ERGIC2: variants seen among roughly 807,000 people sequenced by gnomAD.
The protein encoded by ERGIC2 is ERGIC and golgi 2, also known as endoplasmic reticulum-Golgi intermediate compartment protein 2.
In ERGIC2, 31 loss-of-function variants were observed where a neutral mutation model predicts 52.5. The ratio of observed to expected loss-of-function variants is 0.59; its 90% CI spans 0.44 to 0.80. ERGIC2 has a LOEUF of 0.80. Ranked by LOEUF, ERGIC2 falls within the 30% of genes least tolerant of loss-of-function variation. The probability of loss-of-function intolerance (pLI) is 0.00; values close to 1 mark genes in which losing one functional copy is unlikely to be tolerated. For missense variants in ERGIC2, 395 were observed against 455.2 expected, an observed-to-expected ratio of 0.87 and a Z score of 1.20; for synonymous variants, 129 against 140.6, an observed-to-expected ratio of 0.92 and a Z score of 0.58.
chr12:29,366,775 A>G, intron 5 of ERGIC2, 102 bp downstream of exon 5: 1 of 594,504 alleles, frequency 1.7e-6, no homozygotes, highest in East Asian at 3.1e-5. Flanking sequence ...TAAAAGAATT[A>G]TACTAAAAAC....
chr12:29,365,330 T>C (rs892521751), intron 5 of ERGIC2, among the ~76,000 whole-genome samples: 1 of 152,030 alleles, frequency 6.6e-6, no homozygotes, highest in African/African-American at 2.4e-5. Context: ...CTGGAGGCAA[T>C]AATCCTAAGC....
In ERGIC2 at chr12:29,369,744, A is replaced by G. The variant is rs147932313; in HGVS notation, c.215+370T>C. 2.2e-3 allele frequency among the ~76,000 whole-genome samples: 340 copies of G among 152,176 alleles called. 3 individuals are homozygous for G. The highest frequency in any genetic ancestry group is 6.9e-3 in the African/African-American group (285 of 41,584). On this transcript the variant is annotated intron_variant, in intron 3 of 13. Transcript: ENST00000360150. ...GCTTAGGTATAATTTATAGACATCA[A>G]GTCATAAGGGTATACAATGTATCCT... is the stretch of plus-strand genomic sequence containing the variant.
chr12:29,337,548 C>T lies in ERGIC2; in HGVS notation c.*3608G>A, dbSNP rs965907859. On this transcript the variant is annotated 3_prime_UTR_variant, in exon 14 of 14. Transcript: ENST00000360150. ...GCATCATCACAATATGGGGGGGATA[C>T]ATGGATCTTGATCCGGGCATTTTAC... The T allele has an allele frequency of 3.3e-5, 5 of 152,028 alleles. No individual in the cohort carries two copies. The highest frequency in any genetic ancestry group is 1.2e-4 in the African/African-American group (5 of 41,400). The allele number at this position is 152,028 out of a possible 1,614,324, so 9.4% of individuals were successfully genotyped here. A position where few individuals can be genotyped will look rare whatever the true frequency, so the allele number is the denominator to read the frequency against.
At chr12:29,355,098 C>T (rs1940184334) in intron 8 of ERGIC2, among the ~76,000 whole-genome samples, 1 of 152,096 alleles carries the variant, frequency 6.6e-6, no homozygotes, top group African/African-American at 2.4e-5. Context: ...CTGCTGTATG[C>T]CCTTCCCTCC....
intron 6 of ERGIC2, among the ~76,000 whole-genome samples, chr12:29,360,763 T>C (rs1460453379): frequency 1.3e-5 from 2 of 151,540 alleles, no homozygotes; most frequent in African/African-American, 2.4e-5. Flanking sequence ...TGCTAGTCAG[T>C]GGCATTAGTT....
At chr12:29,343,040 C>T in intron 12 of ERGIC2, 80 bp downstream of exon 12, 1 of 1,223,354 alleles carries the variant, frequency 8.2e-7, no homozygotes. Context: ...AATCTGTATA[C>T]TTCTTGCCCC....
chr12:29,354,731 A>T (rs1465060485), intron 8 of ERGIC2, among the ~76,000 whole-genome samples: 1 of 152,182 alleles, frequency 6.6e-6, no homozygotes, highest in East Asian at 1.9e-4. Flanking sequence ...GGAAAGTGAA[A>T]TTGTGAAAAG....
intron 2 of ERGIC2, among the ~76,000 whole-genome samples, chr12:29,370,921 T>C (rs991741841): frequency 6.6e-6 from 1 of 152,102 alleles, no homozygotes; most frequent in African/African-American, 2.4e-5. Context: ...CTATTTTCAT[T>C]AACAAAACTT....
chr12:29,380,169 T>TA (rs1940568189), intron 1 of ERGIC2, among the ~76,000 whole-genome samples: 2 of 152,100 alleles, frequency 1.3e-5, no homozygotes, highest in Admixed American at 6.5e-5. Context: ...CTGGCATAAT[T>TA]ACAACAACTT....
intron 6 of ERGIC2, among the ~76,000 whole-genome samples, chr12:29,360,992 A>G (rs1414716372): frequency 6.6e-6 from 1 of 152,204 alleles, no homozygotes; most frequent in Non-Finnish European, 1.5e-5. Flanking sequence ...CATGCCTGTA[A>G]TCCCAGCCCT....
chr12:29,377,891 T>C (rs1412204354), intron 1 of ERGIC2, among the ~76,000 whole-genome samples: 1 of 152,244 alleles, frequency 6.6e-6, no homozygotes, highest in African/African-American at 2.4e-5. Flanking sequence ...CAAAAGTTAT[T>C]TCCTGCTACC....
chr12:29,376,750 G>T lies in ERGIC2; in HGVS notation c.-38+4365C>A, dbSNP rs1300107561. 2.0e-5 allele frequency among the ~76,000 whole-genome samples: 3 copies of T among 152,032 alleles called. No homozygotes were observed. In the East Asian group the frequency reaches 5.8e-4, roughly 29 times the overall value. Reference sequence around the variant, plus strand: ...CTCTATTTGCCTCTCTACTCAGTGTGGTAAGCCATTTTCAAAAATGTGTTT... The same window carrying T: ...CTCTATTTGCCTCTCTACTCAGTGTTGTAAGCCATTTTCAAAAATGTGTTT... On this transcript the variant is annotated intron_variant, in intron 1 of 13. Transcript: ENST00000360150.
At chr12:29,360,457 A>C (rs1208028022) in intron 6 of ERGIC2, among the ~76,000 whole-genome samples, 1 of 148,976 alleles carries the variant, frequency 6.7e-6, no homozygotes, top group Admixed American at 6.7e-5. Context: ...ATTTCTGTAT[A>C]GAAATAATTA....
intron 3 of ERGIC2, 70 bp from the exon 4 acceptor site, chr12:29,368,357 T>G: frequency 1.2e-6 from 1 of 804,408 alleles, no homozygotes; most frequent in Non-Finnish European, 2.1e-6. Context: ...ATAAATCAAC[T>G]GACCTATTAA....
intron 12 of ERGIC2, among the ~76,000 whole-genome samples, chr12:29,342,678 CAT>C (rs1374259382): frequency 1.3e-5 from 2 of 152,154 alleles, no homozygotes; most frequent in East Asian, 1.9e-4. Context: ...AGTACTATAA[CAT>C]ATGATTTTAC....
intron 1 of ERGIC2, among the ~76,000 whole-genome samples, chr12:29,380,057 TAAA>T (rs60844553): frequency 0.35 from 52,706 of 148,808 alleles, 11,019 homozygotes; most frequent in African/African-American, 0.6. Context: ...CACCATCATT[TAAA>T]AAAAAAAAAA....
At chr12:29,348,056 A>G (rs1318242209) in intron 10 of ERGIC2, among the ~76,000 whole-genome samples, 1 of 152,182 alleles carries the variant, frequency 6.6e-6, no homozygotes, top group Non-Finnish European at 1.5e-5. Context: ...GAGAATTAAC[A>G]TATGCTTAGA....
In ERGIC2 at chr12:29,341,739, T is replaced by C; in HGVS notation, c.1066A>G (p.Asn356Asp). The C allele has an allele frequency of 1.3e-6, 2 of 1,562,856 alleles. No homozygotes were observed. Among genetic ancestry groups the C allele is most frequent in the Non-Finnish European group, 1.8e-6 (2 of 1,134,200 alleles). ...ATGTATACTACACCACTTACAGAAT[T>C]GACAGGTTTATAGGATCCAAGTCTG... ...RFRLGSYKPV[N>D]SVPFEDGHTD... The change falls in exon 13 of 14, where the codon AAT becomes GAT. Residue 356 changes from asparagine (N) to aspartate (D), a missense_variant. Asn to Asp is a conservative substitution (Grantham distance 23). Coordinates refer to ENST00000360150, the MANE Select transcript of ERGIC2 (RefSeq NM_016570.3).
At chr12:29,358,929 C>A (rs1015566784) in intron 6 of ERGIC2, among the ~76,000 whole-genome samples, 1 of 151,944 alleles carries the variant, frequency 6.6e-6, no homozygotes, top group East Asian at 1.9e-4. Flanking sequence ...TCTGAAATCT[C>A]GACATAAAAA....
Sources: gnomAD v4.1 joint callset for allele counts (sites outside exome capture counted in the v4.1 genomes callset) on GRCh38, gnomAD v4.1.1 for gene constraint, MANE v1.5 for transcripts, NCBI Gene and HGNC (gene_info 2026-07-23, HGNC 2026-07-21) for gene names.